Variants in EVC observed in about 807,000 individuals in gnomAD.
EVC encodes the protein evC complex member EVC.
EVC carries 116 observed loss-of-function variants against 118.9 expected under a neutral mutation model. That is an observed-to-expected ratio of 0.98 (90% CI 0.84 to 1.14). The LOEUF is 1.14. Ranked by LOEUF, EVC falls within the 50% of genes most tolerant of loss-of-function variation. The pLI is 0.00. For missense variants in EVC, 1,401 were observed against 1,246.4 expected (o/e 1.12, Z -1.87); for synonymous variants, 619 against 534.7 (o/e 1.16, Z -2.18).
At chr4:5,745,454 C>T (rs759012138) in intron 7 of EVC, 113 bp downstream of exon 7, 110 of 1,142,826 alleles carry the variant, frequency 9.6e-5, no homozygotes, top group Non-Finnish European at 1.4e-4. Context: ...ATTCCCCTAT[C>T]GCATTCTGCC....
At chr4:5,810,914 T>C (rs1716810940) in intron 20 of EVC, 39 bp from the exon 21 acceptor site, 1 of 1,562,360 alleles carries the variant, frequency 6.4e-7, no homozygotes, top group Admixed American at 1.7e-5. Flanking sequence ...GGGCATGGAG[T>C]CAGCGTTCTA....
In EVC at chr4:5,811,184, A is replaced by C; in HGVS notation, c.*147A>C. 1.4e-6 allele frequency: 1 copy of C among 692,146 alleles called. No individual in the cohort carries two copies. The highest frequency in any genetic ancestry group is 2.6e-6 in the Non-Finnish European group (1 of 390,760). The allele number at this position is 692,146 out of a possible 1,614,324, so 42.9% of individuals were successfully genotyped here. Reference sequence around the variant, plus strand: ...TGAGAGGGACAGAGAAAGAATAGAAATGTGCCCTAAAAGCATAAATGAGTA... The same window carrying C: ...TGAGAGGGACAGAGAAAGAATAGAACTGTGCCCTAAAAGCATAAATGAGTA... On this transcript the variant is annotated 3_prime_UTR_variant, in exon 21 of 21. Transcript: ENST00000264956.
At chr4:5,770,539 A>G (rs1217786848) in intron 11 of EVC, among the ~76,000 whole-genome samples, 1 of 152,172 alleles carries the variant, frequency 6.6e-6, no homozygotes, top group Non-Finnish European at 1.5e-5. Context: ...AAGCCTCGTA[A>G]CATTCTAGTG....
At chr4:5,732,084 T>G (rs1013964073) in intron 4 of EVC, among the ~76,000 whole-genome samples, 1 of 152,178 alleles carries the variant, frequency 6.6e-6, no homozygotes, top group African/African-American at 2.4e-5. Context: ...TGAATTCCGT[T>G]TAACACCCCT....
intron 11 of EVC, among the ~76,000 whole-genome samples, chr4:5,770,998 C>T (rs559093519): frequency 8.9e-5 from 13 of 146,008 alleles, no homozygotes; most frequent in Admixed American, 7.2e-4. Flanking sequence ...GGTGACAGAG[C>T]GAGACTTCAT....
intron 13 of EVC, among the ~76,000 whole-genome samples, chr4:5,795,743 C>T (rs1401727647): frequency 2.0e-5 from 3 of 152,262 alleles, no homozygotes; most frequent in East Asian, 1.9e-4. Context: ...CAACAGAGAG[C>T]GATTGGGGAA....
chr4:5,777,239 G>A (rs1399721757), intron 11 of EVC, among the ~76,000 whole-genome samples: 4 of 152,164 alleles, frequency 2.6e-5, no homozygotes, highest in Admixed American at 1.3e-4. Flanking sequence ...TTCAAAGTCA[G>A]GGCTTAAAAT....
At position 5,753,142 on chromosome 4, in the gene EVC, G is replaced by C; in HGVS notation, c.1315+90G>C. On this transcript the variant is annotated intron_variant, in intron 9 of 20. Transcript: ENST00000264956. ...GTGAGAGGGCTGGCAGCCTGGGGCA[G>C]TGTGCCCATGATGCCGGGCACAGGC... 3 of 1,261,494 alleles carry C rather than the reference G, an allele frequency of 2.4e-6. No homozygotes were observed. In the South Asian group the frequency reaches 3.8e-5, roughly 16 times the overall value. 78.1% of individuals were successfully genotyped at this position (1,261,494 alleles called of 1,614,324 possible).
Position 5,798,753 on chromosome 4 carries a change from AGCC to A in EVC, c.2266_2268del (p.Ala756del), listed in dbSNP as rs746813895. On this transcript the variant is annotated inframe_deletion, in exon 15 of 21. Coordinates refer to ENST00000264956, the MANE Select transcript of EVC (RefSeq NM_153717.3). This position sits in a 1 kb window ranked among gnomAD's most constrained non-coding sequence, Gnocchi z 4.1. The stretch of plus-strand genomic sequence containing the variant: ...CGCTGCTGGTGCATGCACGGAATGC[AGCC>A]ACCAAGAGCCGGGCCAAGGACAGGG... The A allele has an allele frequency of 1.2e-6, 2 of 1,611,214 alleles. No homozygotes were observed. Among genetic ancestry groups the A allele is most frequent in the African/African-American group, 2.7e-5 (2 of 75,008 alleles).
the EVC span, among the ~76,000 whole-genome samples, chr4:5,822,999 C>G: frequency 6.6e-6 from 1 of 152,172 alleles, no homozygotes; most frequent in East Asian, 1.9e-4. Context: ...CATACTTTTT[C>G]TAATACATCT....
chr4:5,815,312 G>A (rs1047829926), downstream of EVC, among the ~76,000 whole-genome samples: 3 of 152,106 alleles, frequency 2.0e-5, no homozygotes, highest in African/African-American at 7.2e-5. Flanking sequence ...TCCACCCTAC[G>A]AAGGCTCCTT....
At chr4:5,761,244 C>T (rs1264285759) in intron 11 of EVC, among the ~76,000 whole-genome samples, 2 of 152,040 alleles carry the variant, frequency 1.3e-5, no homozygotes, top group Non-Finnish European at 2.9e-5. Context: ...GAATGCCTCC[C>T]CGCCTGCTCC....
rs1444031576 is a variant in EVC, at chr4:5,737,767, AC to A, written c.703-3945del. Among the ~76,000 whole-genome samples the A allele has an allele frequency of 6.6e-6, 1 of 151,962 alleles. No homozygotes were observed. Among genetic ancestry groups the A allele is most frequent in the Non-Finnish European group, 1.5e-5 (1 of 68,020 alleles). On this transcript the variant is annotated intron_variant, in intron 5 of 20. Coordinates refer to ENST00000264956, the MANE Select transcript of EVC (RefSeq NM_153717.3). This position sits in a 1 kb window ranked among gnomAD's most constrained non-coding sequence, Gnocchi z 5.0. ...CAAAATGTTACTGGTCATTTTCAAA[AC>A]CCCTGGTCACCCGAGAGCTCTGATG...
the EVC span, chr4:5,824,594 T>C: frequency 2.1e-6 from 2 of 958,322 alleles, no homozygotes; most frequent in Non-Finnish European, 2.5e-6. Context: ...GCCCACCGCC[T>C]GTTTCTGTAC....
intron 11 of EVC, among the ~76,000 whole-genome samples, chr4:5,764,455 TG>T (rs1433398029): frequency 6.9e-6 from 1 of 143,956 alleles, no homozygotes; most frequent in Non-Finnish European, 1.5e-5. Flanking sequence ...TTCTATTGAT[TG>T]GAATAGTTTC....
At chr4:5,761,502 C>CGGGGGGT (rs1732002961) in intron 11 of EVC, among the ~76,000 whole-genome samples, 1 of 80,648 alleles carries the variant, frequency 1.2e-5, no homozygotes, top group East Asian at 3.2e-4. Context: ...AGGCGGGGGG[C>CGGGGGGT]GGGGGGTGGT....
chr4:5,716,181 A>T (rs1250132660), intron 1 of EVC, among the ~76,000 whole-genome samples: 1 of 152,238 alleles, frequency 6.6e-6, no homozygotes, highest in African/African-American at 2.4e-5. Flanking sequence ...AGGACTAGGC[A>T]GCTCATGCTC....
intron 17 of EVC, 54 bp from the exon 18 acceptor site, chr4:5,808,147 C>G (rs1425669653): frequency 3.2e-6 from 2 of 629,538 alleles, no homozygotes; most frequent in Non-Finnish European, 5.8e-6. Context: ...CCCTCCCTCC[C>G]TCCCTCCCTC....
At chr4:5,805,900 T>TC (rs1185915503) in intron 17 of EVC, among the ~76,000 whole-genome samples, 17 of 149,966 alleles carry the variant, frequency 1.1e-4, no homozygotes, top group Middle Eastern at 3.4e-3. Context: ...TCTTTTTTTT[T>TC]TTTTTTTTTG....
Sources: allele counts gnomAD v4.1 joint callset (sites outside exome capture counted in the v4.1 genomes callset), GRCh38; gene constraint gnomAD v4.1.1; non-coding constraint Gnocchi (gnomAD v3.1); transcripts MANE v1.5; gene names NCBI Gene and HGNC (gene_info 2026-07-23, HGNC 2026-07-21).